KAT6A: variants seen among roughly 807,000 people sequenced by gnomAD.
KAT6A encodes the protein lysine acetyltransferase 6A, also known as histone acetyltransferase KAT6A.
A neutral mutation model predicts 198.4 loss-of-function variants in KAT6A; 9 were observed. That is an observed-to-expected ratio of 0.05 (90% CI 0.03 to 0.08). The LOEUF is 0.08. Among genes scored for constraint, KAT6A ranks in the 10% least tolerant of loss-of-function variants. The pLI is 1.00. For synonymous variants in KAT6A, 890 were observed against 883.0 expected, an observed-to-expected ratio of 1.01 and a Z score of -0.14; for missense variants, 2,077 against 2,509.9, an observed-to-expected ratio of 0.83 and a Z score of 3.69.
chr8:41,933,998 C>T lies in KAT6A; in HGVS notation c.4222G>A (p.Glu1408Lys), dbSNP rs771962304. 2.0e-5 allele frequency: 32 copies of T among 1,614,034 alleles called. No homozygotes were observed. The highest frequency in any genetic ancestry group is 3.3e-5 in the Admixed American group (2 of 60,012). Residue 1408 changes from glutamate to lysine, a missense_variant, in exon 17 of 17, where the codon GAA (glutamate) becomes AAA (lysine). This residue lies in a region of KAT6A where 178 missense variants were observed against 220.8 expected (regional missense o/e 0.81). Coordinates refer to ENST00000265713, the MANE Select transcript of KAT6A (RefSeq NM_006766.5). This position sits in a 1 kb window ranked among gnomAD's most constrained non-coding sequence, Gnocchi z 6.2. ...EDSHTKEELI[E>K]LKEEEEIPHS... ...GGAATCTCTTCCTCCTCTTTTAATT[C>T]GATTAACTCTTCCTTAGTGTGGGAG...
intron 2 of KAT6A, among the ~76,000 whole-genome samples, chr8:42,047,400 C>G (rs982437386): frequency 6.6e-6 from 1 of 152,084 alleles, no homozygotes; most frequent in African/African-American, 2.4e-5. Context: ...ATCAAAACTC[C>G]CAACTCTCCA....
At chr8:42,038,477 G>T (rs900190842) in intron 2 of KAT6A, among the ~76,000 whole-genome samples, 5 of 152,162 alleles carry the variant, frequency 3.3e-5, no homozygotes, top group African/African-American at 9.7e-5. Flanking sequence ...TTAAGGAAGA[G>T]AATTCTAACT....
intron 10 of KAT6A, 127 bp from the exon 11 acceptor site, chr8:41,948,039 A>T (rs1349171257): frequency 4.6e-6 from 3 of 657,998 alleles, no homozygotes; most frequent in Non-Finnish European, 7.1e-6. Context: ...TGACCAGAAC[A>T]CTTTGGAACC....
At chr8:42,027,298 T>C (rs1206079693) in intron 2 of KAT6A, among the ~76,000 whole-genome samples, 3 of 152,222 alleles carry the variant, frequency 2.0e-5, no homozygotes, top group South Asian at 2.1e-4. Context: ...GCTGGCCTTG[T>C]AGAGTGAGTT....
At chr8:42,001,389 G>A (rs1237422988) in intron 2 of KAT6A, among the ~76,000 whole-genome samples, 4 of 152,210 alleles carry the variant, frequency 2.6e-5, no homozygotes, top group Non-Finnish European at 5.9e-5. Flanking sequence ...ACAAGGCATT[G>A]AGAGGGTCAA....
At chr8:42,032,870 GC>G (rs1827195152) in intron 2 of KAT6A, among the ~76,000 whole-genome samples, 2 of 132,614 alleles carry the variant, frequency 1.5e-5, no homozygotes, top group Admixed American at 7.3e-5. Flanking sequence ...TAAAACCTTG[GC>G]TTTTTTTTTT....
chr8:41,982,127 A>G (rs962785977), intron 3 of KAT6A, among the ~76,000 whole-genome samples, 173 bp from the exon 4 acceptor site: 2 of 152,106 alleles, frequency 1.3e-5, no homozygotes, highest in Non-Finnish European at 2.9e-5. Context: ...TTGGCACCAC[A>G]ATTCAGTTTT....
intron 2 of KAT6A, among the ~76,000 whole-genome samples, chr8:42,041,419 A>C (rs1370867100): frequency 1.3e-5 from 2 of 152,138 alleles, no homozygotes; most frequent in African/African-American, 4.8e-5. Flanking sequence ...TCACAAACAA[A>C]TGGTATAAAC....
At chr8:41,966,659 T>C (rs760455272) in intron 8 of KAT6A, among the ~76,000 whole-genome samples, 41 of 152,156 alleles carry the variant, frequency 2.7e-4, no homozygotes, top group Admixed American at 2.2e-3. Context: ...CATCTTAGTA[T>C]ACTGTGAACA....
At chr8:41,959,316 G>T in intron 8 of KAT6A, among the ~76,000 whole-genome samples, 1 of 152,162 alleles carries the variant, frequency 6.6e-6, no homozygotes. Flanking sequence ...CACCCATTAG[G>T]ATGGTTATTA....
chr8:41,942,207 C>G (rs970469485), intron 14 of KAT6A: 1 of 214,924 alleles, frequency 4.7e-6, no homozygotes, highest in African/African-American at 2.3e-5. Context: ...CTAAAGAGAT[C>G]TGTGTGTCCA....
intron 9 of KAT6A, among the ~76,000 whole-genome samples, chr8:41,954,877 G>T (rs1822849081): frequency 1.3e-5 from 2 of 151,974 alleles, no homozygotes; most frequent in Non-Finnish European, 2.9e-5. Flanking sequence ...AATTATTTCT[G>T]GGAAAACAAA....
Position 41,933,491 on chromosome 8 carries a change from T to C in KAT6A, c.4729A>G (p.Ile1577Val), listed in dbSNP as rs1258861308. Reference sequence around the variant, plus strand: ...CTCTGGGAAGAGCTGTTCCCACAGATGCTGCCGCCCATCGTGGAGTCGTAA... The same window carrying C: ...CTCTGGGAAGAGCTGTTCCCACAGACGCTGCCGCCCATCGTGGAGTCGTAA... ...SSYDSTMGGSICGNSSSQSSC... is the reference protein window; with the variant it reads ...SSYDSTMGGSVCGNSSSQSSC... Residue 1577 changes from isoleucine (I) to valine (V), a missense_variant, in exon 17 of 17, where the codon ATC becomes GTC. Physicochemically the swap from Ile to Val is conservative, Grantham distance 29. This residue lies in a region of KAT6A where 500 missense variants were observed against 577.2 expected (regional missense o/e 0.87). Coordinates refer to ENST00000265713, the MANE Select transcript of KAT6A (RefSeq NM_006766.5). This position sits in a 1 kb window ranked among gnomAD's most constrained non-coding sequence, Gnocchi z 6.2. The C allele has an allele frequency of 1.2e-6, 2 of 1,613,726 alleles. No individual in the cohort carries two copies. Among genetic ancestry groups the C allele is most frequent in the African/African-American group, 1.3e-5 (1 of 75,028 alleles).
At chr8:41,994,411 A>ACACTC (rs1825092202) in intron 2 of KAT6A, among the ~76,000 whole-genome samples, 1 of 151,544 alleles carries the variant, frequency 6.6e-6, no homozygotes, top group Non-Finnish European at 1.5e-5. Flanking sequence ...CTCTCCCTCT[A>ACACTC]CACTCCACTC....
At chr8:41,991,784 C>G (rs926064306) in intron 2 of KAT6A, among the ~76,000 whole-genome samples, 2 of 151,602 alleles carry the variant, frequency 1.3e-5, no homozygotes, top group African/African-American at 4.9e-5. Flanking sequence ...GCACTCAGAA[C>G]GTGGAGGGGG....
At chr8:41,948,279 T>TAG (rs1822494714) in intron 10 of KAT6A, among the ~76,000 whole-genome samples, 1 of 152,226 alleles carries the variant, frequency 6.6e-6, no homozygotes, top group Admixed American at 6.5e-5. Context: ...AATACAACCC[T>TAG]TCTAAAATAC....
intron 2 of KAT6A, among the ~76,000 whole-genome samples, chr8:42,022,444 A>G (rs547988317): frequency 2.0e-5 from 3 of 152,348 alleles, no homozygotes; most frequent in East Asian, 3.9e-4. Flanking sequence ...GGGTTAAAAC[A>G]GCCTAACAGT....
chr8:41,937,286 C>T lies in KAT6A; in HGVS notation c.3322G>A (p.Glu1108Lys). 1 of 1,613,860 alleles carries T rather than the reference C, an allele frequency of 6.2e-7. No individual in the cohort carries two copies. Among genetic ancestry groups the T allele is most frequent in the Non-Finnish European group, 8.5e-7 (1 of 1,179,864 alleles). Residue 1108 changes from glutamate (E) to lysine (K), a missense_variant, in exon 16 of 17, where the codon GAA becomes AAA. By Grantham distance (56) the Glu-to-Lys change is moderately conservative (BLOSUM62 1). Coordinates refer to ENST00000265713, the MANE Select transcript of KAT6A (RefSeq NM_006766.5). Reference sequence around the variant, plus strand: ...GCATCATCTGACTCTTCATCTTCTTCTTCATCTTTAGACTTCCTCTTAGAA... The same window carrying T: ...GCATCATCTGACTCTTCATCTTCTTTTTCATCTTTAGACTTCCTCTTAGAA... ...SSSKRKSKDE[E>K]EDEESDDADD...
intron 2 of KAT6A, among the ~76,000 whole-genome samples, chr8:42,035,515 C>CA (rs1448360003): frequency 6.6e-6 from 1 of 152,076 alleles, no homozygotes; most frequent in Admixed American, 6.5e-5. Flanking sequence ...GAGTGAAGAA[C>CA]AGAACCTTAG....
Sources: allele counts gnomAD v4.1 joint callset (sites outside exome capture counted in the v4.1 genomes callset), GRCh38; gene constraint gnomAD v4.1.1; regional missense constraint gnomAD v4.1.1; non-coding constraint Gnocchi (gnomAD v3.1); transcripts MANE v1.5; gene names NCBI Gene and HGNC (gene_info 2026-07-23, HGNC 2026-07-21).